The following TENM4 variants were observed in gnomAD, a reference collection of about 807,000 sequenced individuals.
The protein encoded by TENM4 is teneurin transmembrane protein 4, also known as teneurin-4.
Under a neutral mutation model 243.3 loss-of-function variants are expected in TENM4, and 82 were observed. The ratio of observed to expected loss-of-function variants is 0.34; its 90% CI spans 0.28 to 0.40. TENM4 has a LOEUF of 0.40. Ranked by LOEUF, TENM4 falls within the 10% of genes least tolerant of loss-of-function variation. The pLI, the probability that TENM4 is intolerant of heterozygous loss-of-function variation, is 1.00. For synonymous variants in TENM4, 1,412 were observed against 1,456.3 expected (o/e 0.97, Z 0.69); for missense variants, 3,138 against 3,673.3 (o/e 0.85, Z 3.77).
intron 4 of TENM4, among the ~76,000 whole-genome samples, chr11:79,070,611 A>G (rs1431844672): frequency 6.6e-6 from 1 of 152,182 alleles, no homozygotes; most frequent in East Asian, 1.9e-4. Context: ...TGTAAGCTCT[A>G]TGAGAGCAGA....
chr11:78,942,444 C>CAAA (rs200858107), intron 6 of TENM4, among the ~76,000 whole-genome samples: 11 of 124,852 alleles, frequency 8.8e-5, no homozygotes, highest in African/African-American at 3.4e-4. Context: ...GACCCTGTCT[C>CAAA]AAAAAAAAAA....
At chr11:78,959,553 C>G (rs1160634645) in intron 6 of TENM4, among the ~76,000 whole-genome samples, 1 of 152,088 alleles carries the variant, frequency 6.6e-6, no homozygotes, top group Non-Finnish European at 1.5e-5. Context: ...ACTCATTGAG[C>G]TCTCTCATGA....
intron 12 of TENM4, among the ~76,000 whole-genome samples, chr11:78,843,920 T>C (rs1023268660): frequency 2.0e-5 from 3 of 152,194 alleles, no homozygotes; most frequent in Non-Finnish European, 2.9e-5. Context: ...AACAGAAGCT[T>C]CTAGCTTGCA....
intron 15 of TENM4, among the ~76,000 whole-genome samples, chr11:78,804,672 A>G (rs1857352522): frequency 6.6e-6 from 1 of 152,200 alleles, no homozygotes; most frequent in African/African-American, 2.4e-5. Context: ...AACACATTCA[A>G]TCATGTGTTC....
chr11:79,094,774 G>C (rs544490656), intron 4 of TENM4, among the ~76,000 whole-genome samples: 2 of 152,148 alleles, frequency 1.3e-5, no homozygotes, highest in Non-Finnish European at 2.9e-5. Context: ...CCAGACCAGT[G>C]GGGGAGGAGC....
In TENM4 at chr11:78,712,533, G is replaced by T. The variant is rs1277524987; in HGVS notation, c.4003C>A (p.Arg1335Ser). The change falls in exon 26 of 34, where the codon CGC becomes AGC. Residue 1335 changes from arginine to serine, a missense_variant. Arg to Ser is a moderately radical substitution (Grantham distance 110, BLOSUM62 -1). Transcript: ENST00000278550. ...GDQCLPFDDT[R>S]CGDGGKATEA... ...GTGGCCTTCCCACCATCCCCGCAGC[G>T]AGTGTCATCAAAGGGGAGGCACTGG... is the stretch of plus-strand genomic sequence containing the variant. 1 of 1,613,844 alleles carries T rather than the reference G, an allele frequency of 6.2e-7. No homozygotes were observed. Among genetic ancestry groups the T allele is most frequent in the Admixed American group, 1.7e-5 (1 of 60,000 alleles).
chr11:78,665,068 C>T (rs562268131), intron 32 of TENM4, among the ~76,000 whole-genome samples: 38 of 152,330 alleles, frequency 2.5e-4, no homozygotes, highest in Admixed American at 2.3e-3. Flanking sequence ...TTCCTCTTCA[C>T]TCATCCATCC....
In TENM4 at chr11:78,889,084, G is replaced by A. The variant is rs1410863027; in HGVS notation, c.1084+701C>T. Among the ~76,000 whole-genome samples, 4 of 152,246 alleles carry A rather than the reference G, an allele frequency of 2.6e-5. No individual in the cohort carries two copies. In the East Asian group the frequency reaches 7.7e-4, roughly 29 times the overall value. ...GACTGCACAGGGGGAGCCATCTGCT[G>A]TATCAAGGCAGAGGTCGGGAGGAGC... is the stretch of plus-strand genomic sequence containing the variant. On this transcript the variant is annotated intron_variant, in intron 9 of 33. Coordinates refer to ENST00000278550, the MANE Select transcript of TENM4 (RefSeq NM_001098816.3).
At chr11:79,009,147 T>C (rs1274014433) in intron 6 of TENM4, among the ~76,000 whole-genome samples, 19 of 152,208 alleles carry the variant, frequency 1.2e-4, no homozygotes, top group Non-Finnish European at 5.9e-5. Flanking sequence ...ACCAATTTGT[T>C]ATTCCTGGAA....
At chr11:79,293,642 G>T (rs1301179778) in intron 2 of TENM4, among the ~76,000 whole-genome samples, 1 of 152,166 alleles carries the variant, frequency 6.6e-6, no homozygotes, top group East Asian at 1.9e-4. Flanking sequence ...CAGCGACTAA[G>T]GGGTGTTTGG....
intron 4 of TENM4, among the ~76,000 whole-genome samples, chr11:79,103,962 G>A (rs920417464): frequency 1.3e-5 from 2 of 152,098 alleles, no homozygotes; most frequent in African/African-American, 4.8e-5. Flanking sequence ...CGTTGTAATG[G>A]CACCTAATTC....
intron 6 of TENM4, among the ~76,000 whole-genome samples, chr11:78,956,279 C>T (rs1162039225): frequency 1.3e-5 from 2 of 152,074 alleles, no homozygotes; most frequent in African/African-American, 4.8e-5. Flanking sequence ...TAACTAGGTC[C>T]CAGACTGTTA....
At chr11:78,805,598 G>A in intron 14 of TENM4, 106 bp from the exon 15 acceptor site, 1 of 1,357,634 alleles carries the variant, frequency 7.4e-7, no homozygotes, top group Non-Finnish European at 1.0e-6. Context: ...CATACATTCT[G>A]GCAGAAGGAT....
At chr11:78,715,647 T>A (rs1859504675) in intron 25 of TENM4, among the ~76,000 whole-genome samples, 1 of 152,202 alleles carries the variant, frequency 6.6e-6, no homozygotes, top group Admixed American at 6.5e-5. Context: ...AGCTTTGAGC[T>A]TAGAAGGTGT....
chr11:78,709,177 T>C (rs1414319277), intron 26 of TENM4, among the ~76,000 whole-genome samples: 2 of 148,896 alleles, frequency 1.3e-5, no homozygotes, highest in Non-Finnish European at 3.0e-5. Context: ...TTTCACCATG[T>C]TGGTCTTGAA....
chr11:78,894,476 A>G (rs1020244310), intron 7 of TENM4, among the ~76,000 whole-genome samples: 1 of 152,240 alleles, frequency 6.6e-6, no homozygotes, highest in Non-Finnish European at 1.5e-5. Context: ...AACTTTTACA[A>G]TTTAAAAAGA....
At chr11:79,048,148 G>A (rs192473213) in intron 6 of TENM4, among the ~76,000 whole-genome samples, 6 of 152,168 alleles carry the variant, frequency 3.9e-5, no homozygotes, top group Admixed American at 1.3e-4. Flanking sequence ...GTGAGGTGAC[G>A]GCATTCACCT....
chr11:79,393,662 A>T (rs1056973124), intron 1 of TENM4, among the ~76,000 whole-genome samples: 3 of 152,262 alleles, frequency 2.0e-5, no homozygotes, highest in African/African-American at 7.2e-5. Context: ...CCAGAGGAGC[A>T]GAGGCGGGCA....
intron 15 of TENM4, among the ~76,000 whole-genome samples, chr11:78,803,796 T>C (rs1857332534): frequency 6.6e-6 from 1 of 152,228 alleles, no homozygotes; most frequent in Non-Finnish European, 1.5e-5. Flanking sequence ...GGCCACATAA[T>C]GAACAATGCA....
Sources: allele counts gnomAD v4.1 joint callset (sites outside exome capture counted in the v4.1 genomes callset), GRCh38; gene constraint gnomAD v4.1.1; transcripts MANE v1.5; gene names NCBI Gene and HGNC (gene_info 2026-07-23, HGNC 2026-07-21).